The following CPED1 variants were observed in gnomAD, a reference collection of about 807,000 sequenced individuals.
CPED1 encodes cadherin like and PC-esterase domain containing 1.
Under a neutral mutation model 128.2 loss-of-function variants are expected in CPED1, and 114 were observed. That is an observed-to-expected ratio of 0.89 (90% CI 0.76 to 1.04). The LOEUF is 1.04. Among genes scored for constraint, CPED1 ranks in the 50% least tolerant of loss-of-function variants. The pLI, the probability that CPED1 is intolerant of heterozygous loss-of-function variation, is 0.00. For synonymous variants in CPED1, 462 were observed against 426.7 expected, an observed-to-expected ratio of 1.08 and a Z score of -1.02; for missense variants, 1,211 against 1,207.1, an observed-to-expected ratio of 1.00 and a Z score of -0.05.
chr7:121,289,451 A>G (rs1792647369), intron 22 of CPED1, among the ~76,000 whole-genome samples: 1 of 152,192 alleles, frequency 6.6e-6, no homozygotes, highest in African/African-American at 2.4e-5. Context: ...ACTATTGTTA[A>G]TATTTTGGTA....
Position 121,236,735 on chromosome 7 carries a change from C to T in CPED1, c.2077C>T (p.Pro693Ser), listed in dbSNP as rs373553887. The change falls in exon 17 of 23, where the codon CCA (proline) becomes TCA (serine). Residue 693 changes from proline to serine, a missense_variant. Coordinates refer to ENST00000310396, the MANE Select transcript of CPED1 (RefSeq NM_024913.5). ...FVQDCGLLIH[P>S]EETCGLQPIS... ...GCAGGATTGTGGTTTGCTGATTCAT[C>T]CAGAGGAAACCTGTGGGTTACAGCC... 195 of 1,601,088 alleles carry T rather than the reference C, an allele frequency of 1.2e-4. No homozygotes were observed. The highest frequency in any genetic ancestry group is 1.6e-4 in the Non-Finnish European group (187 of 1,174,724).
intron 9 of CPED1, among the ~76,000 whole-genome samples, chr7:121,126,286 G>C (rs895293352): frequency 2.6e-5 from 4 of 151,610 alleles, no homozygotes; most frequent in South Asian, 4.2e-4. Flanking sequence ...GTTTAAAATT[G>C]GTTTATATTT....
chr7:121,032,666 C>T lies in CPED1; in HGVS notation c.434-14221C>T, dbSNP rs572002385. On this transcript the variant is annotated intron_variant, in intron 3 of 22. Coordinates refer to ENST00000310396, the MANE Select transcript of CPED1 (RefSeq NM_024913.5). ...AACCACCACGGCACATGTATACTTA[C>T]GTAACACACCTGCACGTTCTGCACA... is the stretch of plus-strand genomic sequence containing the variant. Among the ~76,000 whole-genome samples the T allele has an allele frequency of 4.3e-4, 65 of 151,518 alleles. No individual in the cohort carries two copies. The South Asian group carries it at 6.2e-3, about 15-fold the overall frequency.
rs74582302 is a variant in CPED1 at position 121,073,873 on chromosome 7, T to C, written c.616+9560T>C. On this transcript the variant is annotated intron_variant, in intron 5 of 22. Coordinates refer to ENST00000310396, the MANE Select transcript of CPED1 (RefSeq NM_024913.5). ...ACAATTTCCTTGACTGGCTCTCTCATTAATCATGTAAAGCCATGCACAACA... is the reference window on the plus strand; with the variant it reads ...ACAATTTCCTTGACTGGCTCTCTCACTAATCATGTAAAGCCATGCACAACA... Among the ~76,000 whole-genome samples, 445 of 150,828 alleles carry C rather than the reference T, an allele frequency of 3.0e-3. 2 individuals are homozygous for C. The highest frequency in any genetic ancestry group is 6.8e-3 in the Middle Eastern group (2 of 292).
chr7:121,178,381 A>G (rs1289718105), intron 16 of CPED1, among the ~76,000 whole-genome samples: 2 of 152,032 alleles, frequency 1.3e-5, no homozygotes, highest in Non-Finnish European at 2.9e-5. Context: ...CCTATTATAC[A>G]CATGCGTATT....
chr7:121,247,322 A>G (rs1798561431), intron 18 of CPED1, among the ~76,000 whole-genome samples: 1 of 152,188 alleles, frequency 6.6e-6, no homozygotes. Flanking sequence ...GGAGAGGGGC[A>G]GGGTGCAAAA....
intron 3 of CPED1, among the ~76,000 whole-genome samples, chr7:121,016,491 T>G (rs1399620441): frequency 6.6e-6 from 1 of 152,206 alleles, no homozygotes; most frequent in Non-Finnish European, 1.5e-5. Context: ...ACATTTAACT[T>G]ACACTATAGC....
At chr7:121,107,403 T>C (rs1417996768) in intron 7 of CPED1, among the ~76,000 whole-genome samples, 1 of 152,142 alleles carries the variant, frequency 6.6e-6, no homozygotes, top group Non-Finnish European at 1.5e-5. Context: ...TAAATCTTTT[T>C]GAAATCCTTA....
intron 5 of CPED1, among the ~76,000 whole-genome samples, chr7:121,089,845 A>G (rs935444239): frequency 3.3e-5 from 5 of 152,190 alleles, no homozygotes; most frequent in Non-Finnish European, 7.3e-5. Context: ...GTCTTGTTGC[A>G]GTAGTCAAGC....
chr7:121,038,208 C>T (rs2013083), intron 3 of CPED1, among the ~76,000 whole-genome samples: 121,379 of 151,838 alleles, frequency 0.8, 48,777 homozygotes, highest in East Asian at 0.94. Context: ...CATCTTTTTC[C>T]TGTTCCAGTT....
At chr7:121,293,636 G>A (rs78469388) in intron 22 of CPED1, among the ~76,000 whole-genome samples, 3,683 of 152,230 alleles carry the variant, frequency 0.024, 125 homozygotes, top group South Asian at 0.13. Context: ...CCCTGGTGGC[G>A]TCGGCACCCA....
chr7:121,106,970 A>C (rs1794992852), intron 7 of CPED1, among the ~76,000 whole-genome samples: 1 of 152,100 alleles, frequency 6.6e-6, no homozygotes. Context: ...CAATCTTTCA[A>C]AGCACTTTAA....
chr7:121,087,362 A>G (rs1486084477), intron 5 of CPED1, among the ~76,000 whole-genome samples: 1 of 152,138 alleles, frequency 6.6e-6, no homozygotes, highest in Admixed American at 6.5e-5. Context: ...TCTCTCTCCA[A>G]CAAACTGATA....
chr7:121,039,067 G>A (rs568703713), intron 3 of CPED1, among the ~76,000 whole-genome samples: 3 of 152,052 alleles, frequency 2.0e-5, no homozygotes, highest in Admixed American at 1.3e-4. Flanking sequence ...TGCCATTCAC[G>A]CTAAAGTAGT....
At chr7:121,161,831 T>C (rs1037089365) in intron 16 of CPED1, among the ~76,000 whole-genome samples, 5 of 152,166 alleles carry the variant, frequency 3.3e-5, no homozygotes, top group African/African-American at 1.2e-4. Flanking sequence ...CCAGATCCAT[T>C]AAGAAAGGGG....
chr7:121,082,358 C>A (rs1418529661), intron 5 of CPED1, among the ~76,000 whole-genome samples: 1 of 152,122 alleles, frequency 6.6e-6, no homozygotes, highest in African/African-American at 2.4e-5. Flanking sequence ...TCTACCTCAA[C>A]ATAAAGCTGT....
intron 3 of CPED1, among the ~76,000 whole-genome samples, chr7:121,038,091 A>G (rs144457089): frequency 2.6e-5 from 4 of 152,162 alleles, no homozygotes; most frequent in Non-Finnish European, 5.9e-5. Flanking sequence ...AAGCAGCGAC[A>G]GTTTGACTTC....
chr7:121,238,838 T>C (rs1172008135), intron 17 of CPED1, among the ~76,000 whole-genome samples: 1 of 151,892 alleles, frequency 6.6e-6, no homozygotes, highest in African/African-American at 2.4e-5. Flanking sequence ...ACCTAGATTA[T>C]AGGCTTCTCT....
chr7:121,059,129 G>T lies in CPED1; in HGVS notation c.541-5109G>T, dbSNP rs557155959. Among the ~76,000 whole-genome samples, 11 of 152,282 alleles carry T rather than the reference G, an allele frequency of 7.2e-5. No individual in the cohort carries two copies. In the East Asian group the frequency reaches 2.1e-3, roughly 29 times the overall value. On this transcript the variant is annotated intron_variant, in intron 4 of 22. Transcript: ENST00000310396. ...TTAGTAATTGGGGCTGTATCTCACC[G>T]CAAGTAGACAGGTGCTAGTGTTTCA... is the stretch of plus-strand genomic sequence containing the variant.
Sources: gnomAD v4.1 joint callset for allele counts (sites outside exome capture counted in the v4.1 genomes callset) on GRCh38, gnomAD v4.1.1 for gene constraint, MANE v1.5 for transcripts, NCBI Gene and HGNC (gene_info 2026-07-23, HGNC 2026-07-21) for gene names.